Variants in RBFOX1 observed in about 807,000 individuals in gnomAD.
The protein encoded by RBFOX1 is RNA binding protein fox-1 homolog 1.
A neutral mutation model predicts 57.7 loss-of-function variants in RBFOX1; 8 were observed. That is an observed-to-expected ratio of 0.14 (90% CI 0.08 to 0.25). The LOEUF is 0.25. Among genes scored for constraint, RBFOX1 ranks in the 10% least tolerant of loss-of-function variants. The pLI is 1.00. For missense variants in RBFOX1, 611 were observed against 548.5 expected (o/e 1.11, Z -1.14); for synonymous variants, 326 against 222.4 (o/e 1.47, Z -4.15).
chr16:6,228,184 G>C (rs759728252), intron 1 of RBFOX1, among the ~76,000 whole-genome samples: 2 of 152,018 alleles, frequency 1.3e-5, no homozygotes, highest in Non-Finnish European at 2.9e-5. Context: ...GGTGACACGC[G>C]CCTGTATTCC....
intron 3 of RBFOX1, among the ~76,000 whole-genome samples, chr16:7,005,144 C>G (rs539921749): frequency 4.0e-5 from 6 of 151,780 alleles, no homozygotes; most frequent in Non-Finnish European, 5.9e-5. Context: ...GATTCCATCT[C>G]AAAAACAAAA....
Position 7,035,872 on chromosome 16 carries a change from A to G in RBFOX1, c.-15-16185A>G, listed in dbSNP as rs766892961. On this transcript the variant is annotated intron_variant, in intron 3 of 15. Coordinates refer to ENST00000550418, the MANE Select transcript of RBFOX1 (RefSeq NM_018723.4). ...CCTTCCATTAAGCTTTCCAGGAAGA[A>G]TGTGAACACAGACACACACACACAC... Among the ~76,000 whole-genome samples the G allele has an allele frequency of 1.1e-4, 17 of 150,514 alleles. 1 individual carries two copies. The highest frequency in any genetic ancestry group is 1.5e-5 in the Non-Finnish European group (1 of 67,348).
intron 3 of RBFOX1, among the ~76,000 whole-genome samples, chr16:6,993,116 G>T (rs9939971): frequency 3.3e-5 from 5 of 152,142 alleles, no homozygotes; most frequent in African/African-American, 1.2e-4. Context: ...TTGGTTCTGT[G>T]TAGGATCCAT....
intron 1 of RBFOX1, among the ~76,000 whole-genome samples, chr16:5,358,119 T>C (rs1218961466): frequency 1.3e-5 from 2 of 152,134 alleles, no homozygotes; most frequent in African/African-American, 4.8e-5. Context: ...ATCTGTTCCA[T>C]GTCTTTCTCC....
At chr16:7,104,266 A>C (rs7194340) in intron 4 of RBFOX1, among the ~76,000 whole-genome samples, 54,672 of 151,932 alleles carry the variant, frequency 0.36, 10,180 homozygotes, top group Non-Finnish European at 0.4. Context: ...GACCCTCTTC[A>C]CACTCACACC....
intron 1 of RBFOX1, among the ~76,000 whole-genome samples, chr16:6,049,871 C>T (rs533846394): frequency 6.6e-6 from 1 of 151,050 alleles, no homozygotes; most frequent in East Asian, 1.9e-4. Context: ...TTATTTGAAA[C>T]AGGATCCAAA....
chr16:5,802,434 T>C (rs889409632), intron 3 of RBFOX1, among the ~76,000 whole-genome samples: 3 of 152,024 alleles, frequency 2.0e-5, no homozygotes, highest in Non-Finnish European at 4.4e-5. Context: ...AGGTCCCTTG[T>C]ATTCTGAGAT....
chr16:7,199,315 A>G (rs1257287457), intron 4 of RBFOX1, among the ~76,000 whole-genome samples: 2 of 133,086 alleles, frequency 1.5e-5, no homozygotes, highest in Non-Finnish European at 3.4e-5. Context: ...GGATCCACTG[A>G]GTGTTTAAAG....
intron 2 of RBFOX1, among the ~76,000 whole-genome samples, chr16:6,579,131 C>G (rs1360299875): frequency 2.0e-5 from 3 of 152,088 alleles, no homozygotes; most frequent in Non-Finnish European, 4.4e-5. Context: ...TTGGTTCTAC[C>G]TAGAGAAATT....
At chr16:6,112,301 C>T (rs2096455257) in intron 1 of RBFOX1, among the ~76,000 whole-genome samples, 2 of 152,148 alleles carry the variant, frequency 1.3e-5, no homozygotes, top group South Asian at 4.1e-4. Flanking sequence ...AGTAAATGGT[C>T]CTTCAAATGT....
At chr16:5,559,465 C>A (rs1249611288) in intron 2 of RBFOX1, among the ~76,000 whole-genome samples, 1 of 152,102 alleles carries the variant, frequency 6.6e-6, no homozygotes, top group Non-Finnish European at 1.5e-5. Context: ...ACAAGCCGAA[C>A]AAGGCTACAG....
In RBFOX1 at chr16:7,155,723, A is replaced by G. The variant is rs1370350951; in HGVS notation, c.27+103625A>G. On this transcript the variant is annotated intron_variant, in intron 4 of 15. Coordinates refer to ENST00000550418, the MANE Select transcript of RBFOX1 (RefSeq NM_018723.4). The stretch of plus-strand genomic sequence containing the variant: ...CAAAAAAAAAAAAAAATATATATAT[A>G]TATATATATATATATACACACACAC... Among the ~76,000 whole-genome samples the G allele has an allele frequency of 8.5e-5, 9 of 105,506 alleles. No individual in the cohort carries two copies. In the South Asian group the frequency reaches 9.2e-4, roughly 11 times the overall value. 69.2% of individuals were successfully genotyped at this position (105,506 alleles called of 152,430 possible). A position where few individuals can be genotyped will look rare whatever the true frequency, so the allele number is the denominator to read the frequency against.
At chr16:7,319,021 G>T (rs2096495367) in intron 4 of RBFOX1, among the ~76,000 whole-genome samples, 1 of 152,122 alleles carries the variant, frequency 6.6e-6, no homozygotes. Flanking sequence ...GGGCATCATT[G>T]GTAAGTTTTA....
chr16:5,479,268 T>C (rs1567143438), intron 2 of RBFOX1, among the ~76,000 whole-genome samples: 1 of 152,166 alleles, frequency 6.6e-6, no homozygotes, highest in East Asian at 1.9e-4. Context: ...GCCAATCAGA[T>C]GACATGTTTG....
intron 3 of RBFOX1, among the ~76,000 whole-genome samples, chr16:6,679,971 T>C (rs1222338252): frequency 6.7e-6 from 1 of 149,054 alleles, no homozygotes; most frequent in South Asian, 2.2e-4. Context: ...TTATATAATC[T>C]GCCTGACAGG....
At chr16:6,880,530 G>C (rs1383051964) in intron 3 of RBFOX1, among the ~76,000 whole-genome samples, 1 of 152,206 alleles carries the variant, frequency 6.6e-6, no homozygotes, top group African/African-American at 2.4e-5. Flanking sequence ...AACCTTGCTA[G>C]TCAGGTTAGA....
rs533619130 is a variant in RBFOX1, at chr16:5,515,412, G to C, written c.258+48158G>C. Among the ~76,000 whole-genome samples, 273 of 152,366 alleles carry C rather than the reference G, an allele frequency of 1.8e-3. 1 individual carries two copies. Among genetic ancestry groups the C allele is most frequent in the African/African-American group, 6.2e-3 (256 of 41,586 alleles). On this transcript the variant is annotated intron_variant, in intron 2 of 2. Coordinates refer to the RBFOX1 transcript ENST00000585867. ...ACCCAGCTTGGAATCCAGCCTCTGA[G>C]AGGGGGCAGATTGTTTGTGAAGAGG... is the stretch of plus-strand genomic sequence containing the variant.
intron 9 of RBFOX1, among the ~76,000 whole-genome samples, chr16:7,600,753 T>G (rs759920784): frequency 2.0e-5 from 3 of 152,200 alleles, no homozygotes; most frequent in Non-Finnish European, 4.4e-5. Flanking sequence ...CTGCAAAGTT[T>G]CCAGTGATAA....
chr16:6,782,525 C>T (rs768720806), intron 3 of RBFOX1, among the ~76,000 whole-genome samples: 1 of 151,830 alleles, frequency 6.6e-6, no homozygotes, highest in African/African-American at 2.4e-5. Context: ...AATTTTATGT[C>T]CCGGGATTTT....
Sources: allele counts gnomAD v4.1 joint callset (sites outside exome capture counted in the v4.1 genomes callset), GRCh38; gene constraint gnomAD v4.1.1; transcripts MANE v1.5; gene names NCBI Gene and HGNC (gene_info 2026-07-23, HGNC 2026-07-21).